Variants in SAMD12 observed in about 807,000 individuals in gnomAD.
SAMD12 encodes the protein sterile alpha motif domain-containing protein 12.
Under a neutral mutation model 15.0 loss-of-function variants are expected in SAMD12, and 9 were observed. The observed-to-expected ratio is 0.60, with a 90% CI of 0.36 to 1.05. SAMD12 has a LOEUF of 1.05. SAMD12 is among the 50% of genes least tolerant of loss of function. The probability of loss-of-function intolerance (pLI) is 0.01; values close to 1 mark genes in which losing one functional copy is unlikely to be tolerated. For missense variants in SAMD12, 230 were observed against 234.2 expected (o/e 0.98, Z 0.12); for synonymous variants, 86 against 90.1 (o/e 0.96, Z 0.25).
intron 2 of SAMD12, among the ~76,000 whole-genome samples, chr8:118,463,639 GC>G (rs1460597119): frequency 6.6e-6 from 1 of 152,080 alleles, no homozygotes; most frequent in Non-Finnish European, 1.5e-5. Context: ...ACAAAATGGG[GC>G]TAGGCTGCTC....
rs1239405224 is a variant in SAMD12 at position 118,312,476 on chromosome 8, CCTCTT to C, written c.433+67079_433+67083del. 2.0e-5 allele frequency among the ~76,000 whole-genome samples: 3 copies of C among 152,180 alleles called. No homozygotes were observed. The East Asian group carries it at 5.8e-4, about 29-fold the overall frequency. On this transcript the variant is annotated intron_variant, in intron 4 of 4. Coordinates refer to the SAMD12 transcript ENST00000409003. ...CTCATGAATATTTACAGGGCCACTT[CCTCTT>C]CTCTTTTGTTCTGTTGTCTAAACTC...
chr8:118,173,310 GCTGA>G, the SAMD12 span, among the ~76,000 whole-genome samples: 1,321 of 152,208 alleles, frequency 8.7e-3, 24 homozygotes, highest in African/African-American at 0.03. Context: ...GCTGTAATGG[GCTGA>G]CTGTCTTTAT....
At chr8:118,554,264 C>T (rs1420045009) in intron 2 of SAMD12, among the ~76,000 whole-genome samples, 1 of 152,042 alleles carries the variant, frequency 6.6e-6, no homozygotes, top group East Asian at 1.9e-4. Context: ...TTCACAATAG[C>T]AAAGACTTGG....
intron 4 of SAMD12, chr8:118,239,743 C>A (rs1812524285): frequency 6.6e-6 from 1 of 152,138 alleles, no homozygotes; most frequent in South Asian, 2.1e-4. Context: ...TCTCTGTAAG[C>A]AAACACTCTT....
chr8:118,594,453 A>G (rs1195792045), intron 1 of SAMD12, among the ~76,000 whole-genome samples: 1 of 152,214 alleles, frequency 6.6e-6, no homozygotes, highest in Non-Finnish European at 1.5e-5. Context: ...TATTTTGAAA[A>G]CTACGAAAGC....
chr8:118,188,293 C>T (rs1044883955), downstream of SAMD12, among the ~76,000 whole-genome samples: 4 of 152,104 alleles, frequency 2.6e-5, no homozygotes, highest in Non-Finnish European at 5.9e-5. Flanking sequence ...TGTTTGGGGG[C>T]TCTGGCTTTA....
chr8:118,542,035 A>C (rs1381312253), intron 2 of SAMD12, among the ~76,000 whole-genome samples: 1 of 152,132 alleles, frequency 6.6e-6, no homozygotes, highest in Non-Finnish European at 1.5e-5. Flanking sequence ...AGTGGGGATA[A>C]ACCAAAGAAA....
intron 4 of SAMD12, among the ~76,000 whole-genome samples, chr8:118,214,745 C>G (rs1369160033): frequency 6.6e-6 from 1 of 152,164 alleles, no homozygotes; most frequent in African/African-American, 2.4e-5. Context: ...TGCTTTAAAG[C>G]TATAATACTC....
downstream of SAMD12, among the ~76,000 whole-genome samples, chr8:118,377,745 G>A (rs890568216): frequency 1.3e-5 from 2 of 152,084 alleles, no homozygotes; most frequent in East Asian, 1.9e-4. Context: ...CATTAGTAGA[G>A]GAAAAGAGTC....
At chr8:118,338,858 C>T (rs867134306) in intron 4 of SAMD12, among the ~76,000 whole-genome samples, 2 of 152,270 alleles carry the variant, frequency 1.3e-5, no homozygotes, top group Non-Finnish European at 1.5e-5. Flanking sequence ...AAATAGAAAT[C>T]TTCCAAAACC....
At chr8:118,559,103 C>T (rs1454713923) in intron 2 of SAMD12, among the ~76,000 whole-genome samples, 2 of 152,072 alleles carry the variant, frequency 1.3e-5, no homozygotes, top group Admixed American at 1.3e-4. Context: ...GGCATCTGTC[C>T]CAAGGCTATC....
intron 2 of SAMD12, among the ~76,000 whole-genome samples, chr8:118,558,715 C>T (rs901978455): frequency 2.0e-5 from 3 of 152,122 alleles, no homozygotes; most frequent in Admixed American, 6.5e-5. Flanking sequence ...CGTGCCACCA[C>T]GCCCGGCTAA....
intron 2 of SAMD12, among the ~76,000 whole-genome samples, chr8:118,505,083 G>A (rs1824885938): frequency 6.6e-6 from 1 of 152,198 alleles, no homozygotes; most frequent in African/African-American, 2.4e-5. Context: ...ACTTGATAAG[G>A]TAGGCACAGA....
chr8:118,416,810 G>C (rs1381958578), intron 3 of SAMD12, among the ~76,000 whole-genome samples: 2 of 152,100 alleles, frequency 1.3e-5, no homozygotes, highest in Non-Finnish European at 2.9e-5. Flanking sequence ...AGAGTAATTT[G>C]CCATATGTTA....
the SAMD12 span, among the ~76,000 whole-genome samples, chr8:118,140,708 T>C: frequency 6.6e-6 from 1 of 152,246 alleles, no homozygotes; most frequent in Non-Finnish European, 1.5e-5. Context: ...TCTTCTACAT[T>C]TTCTAGCCTC....
chr8:118,285,252 C>CA (rs1813915612), intron 4 of SAMD12, among the ~76,000 whole-genome samples: 1 of 151,990 alleles, frequency 6.6e-6, no homozygotes, highest in Non-Finnish European at 1.5e-5. Context: ...CCATTTTACC[C>CA]ACACTGCACA....
At chr8:118,288,397 C>A (rs897684757) in intron 4 of SAMD12, 2 of 152,014 alleles carry the variant, frequency 1.3e-5, no homozygotes, top group Non-Finnish European at 2.9e-5. Flanking sequence ...CAGATTTTTT[C>A]AAAATCACAA....
At chr8:118,283,779 A>G (rs1170903305) in intron 4 of SAMD12, among the ~76,000 whole-genome samples, 1 of 152,224 alleles carries the variant, frequency 6.6e-6, no homozygotes, top group African/African-American at 2.4e-5. Flanking sequence ...GAGCAAATGT[A>G]TGCATAGAGG....
intron 2 of SAMD12, among the ~76,000 whole-genome samples, chr8:118,553,313 G>A (rs1238463500): frequency 2.0e-5 from 3 of 152,050 alleles, no homozygotes; most frequent in Non-Finnish European, 4.4e-5. Context: ...AAAACAGCAT[G>A]GTACTGGTAC....
Sources: gnomAD v4.1 joint callset for allele counts (sites outside exome capture counted in the v4.1 genomes callset) on GRCh38, gnomAD v4.1.1 for gene constraint, MANE v1.5 for transcripts, NCBI Gene and HGNC (gene_info 2026-07-23, HGNC 2026-07-21) for gene names.